The following MAN1C1 variants were observed in gnomAD, a reference collection of about 807,000 sequenced individuals.
The protein encoded by MAN1C1 is mannosidase alpha class 1C member 1, also known as mannosyl-oligosaccharide 1,2-alpha-mannosidase IC.
Under a neutral mutation model 71.5 loss-of-function variants are expected in MAN1C1, and 49 were observed. That is an observed-to-expected ratio of 0.69 (90% CI 0.54 to 0.87). The LOEUF is 0.87. Among genes scored for constraint, MAN1C1 ranks in the 40% least tolerant of loss-of-function variants. MAN1C1 has a pLI of 0.00. For missense variants in MAN1C1, 743 were observed against 835.0 expected, an observed-to-expected ratio of 0.89 and a Z score of 1.36; for synonymous variants, 352 against 343.7, an observed-to-expected ratio of 1.02 and a Z score of -0.27.
intron 2 of MAN1C1, among the ~76,000 whole-genome samples, chr1:25,734,577 G>A (rs995716743): frequency 6.6e-6 from 1 of 152,224 alleles, no homozygotes; most frequent in Non-Finnish European, 1.5e-5. Flanking sequence ...GTCCACCCTG[G>A]GCTAGGATCT....
chr1:25,680,891 C>G (rs1027631033), intron 1 of MAN1C1, among the ~76,000 whole-genome samples: 2 of 152,036 alleles, frequency 1.3e-5, no homozygotes, highest in African/African-American at 4.8e-5. Flanking sequence ...GGACTCAGCC[C>G]ATAGTTCTTG....
At chr1:25,618,418 C>G (rs969283090) in intron 1 of MAN1C1, 81 bp downstream of exon 1, 2 of 1,384,794 alleles carry the variant, frequency 1.4e-6, no homozygotes, top group African/African-American at 1.5e-5. Flanking sequence ...CACCCCTTTC[C>G]CTTGCCTCAG....
At chr1:25,680,835 C>T (rs1433472991) in intron 1 of MAN1C1, among the ~76,000 whole-genome samples, 2 of 152,058 alleles carry the variant, frequency 1.3e-5, no homozygotes, top group African/African-American at 4.8e-5. Flanking sequence ...TCAGGGGTTC[C>T]CAAGACACCA....
chr1:25,618,254 C>A lies in MAN1C1; in HGVS notation c.457C>A (p.Arg153Ser), dbSNP rs920350645. Reference protein sequence around the residue: ...FDFNAFRSRLRHPVLGTRADE... With the variant: ...FDFNAFRSRLSHPVLGTRADE... The stretch of plus-strand genomic sequence containing the variant: ...CTTCAACGCATTCCGGAGCCGTCTC[C>A]GCCACCCGGTCCTGGGAACGAGGGC... The change falls in exon 1 of 12, where the codon CGC (arginine) becomes AGC (serine). Residue 153 changes from arginine to serine, a missense_variant. Physicochemically the swap from Arg to Ser is moderately radical, Grantham distance 110. Coordinates refer to ENST00000374332, the MANE Select transcript of MAN1C1 (RefSeq NM_020379.4). 7 of 1,603,026 alleles carry A rather than the reference C, an allele frequency of 4.4e-6. No individual in the cohort carries two copies. In the African/African-American group the frequency reaches 5.4e-5, roughly 12 times the overall value.
rs545771557 is a variant in MAN1C1, at chr1:25,772,774, T to G, written c.1257+1002T>G. On this transcript the variant is annotated intron_variant, in intron 8 of 11. Transcript: ENST00000374332. Reference sequence around the variant, plus strand: ...CTCTCCTTTACCCATCGGGTCCGCCTTCCCTGGGCCCTGCTGATCACCCTG... The same window carrying G: ...CTCTCCTTTACCCATCGGGTCCGCCGTCCCTGGGCCCTGCTGATCACCCTG... Among the ~76,000 whole-genome samples the G allele has an allele frequency of 2.0e-5, 3 of 152,288 alleles. No homozygotes were observed. In the South Asian group the frequency reaches 6.2e-4, roughly 32 times the overall value.
intron 1 of MAN1C1, among the ~76,000 whole-genome samples, chr1:25,638,615 A>C (rs74062319): frequency 0.09 from 13,595 of 151,826 alleles, 1,344 homozygotes; most frequent in East Asian, 0.22. Flanking sequence ...ATCAGAAAGC[A>C]TCTCTATTTT....
At chr1:25,728,376 C>T (rs1186908924) in intron 2 of MAN1C1, among the ~76,000 whole-genome samples, 1 of 152,164 alleles carries the variant, frequency 6.6e-6, no homozygotes, top group Admixed American at 6.5e-5. Flanking sequence ...CACTTGTCAT[C>T]GTATTAGGCA....
chr1:25,700,247 A>G (rs896574546), intron 2 of MAN1C1, among the ~76,000 whole-genome samples: 2 of 152,218 alleles, frequency 1.3e-5, no homozygotes, highest in Non-Finnish European at 2.9e-5. Context: ...AATCCCTCCA[A>G]TGGCTGCGCA....
intron 1 of MAN1C1, among the ~76,000 whole-genome samples, chr1:25,643,975 G>A (rs991276228): frequency 1.3e-5 from 2 of 152,142 alleles, no homozygotes; most frequent in African/African-American, 4.8e-5. Context: ...CGCAGTGAGA[G>A]GAATATTAAG....
intron 1 of MAN1C1, among the ~76,000 whole-genome samples, chr1:25,673,699 G>A (rs912209199): frequency 2.0e-5 from 3 of 152,134 alleles, no homozygotes; most frequent in African/African-American, 7.2e-5. Context: ...CCAGGAGCAC[G>A]TCACAGAGAT....
chr1:25,617,276 GAC>G lies in MAN1C1; in HGVS notation c.-519_-518del, dbSNP rs1333851397. Among the ~76,000 whole-genome samples, 1 of 151,772 alleles carries G rather than the reference GAC, an allele frequency of 6.6e-6. No homozygotes were observed. Among genetic ancestry groups the G allele is most frequent in the Non-Finnish European group, 1.5e-5 (1 of 67,888 alleles). On this transcript the variant is annotated 5_prime_UTR_variant, in exon 1 of 12. Coordinates refer to ENST00000374332, the MANE Select transcript of MAN1C1 (RefSeq NM_020379.4). The surrounding 1 kb of genome is among the most constrained non-coding windows in gnomAD (Gnocchi z 5.1). ...GTGTGCGCGCGCTCGGGGCGGCGCT[GAC>G]ACGCCAGCCCCCCATCGCCTCGGTC... is the stretch of plus-strand genomic sequence containing the variant.
At chr1:25,780,787 C>G in intron 9 of MAN1C1, 153 bp from the exon 10 acceptor site, 2 of 721,306 alleles carry the variant, frequency 2.8e-6, no homozygotes, top group African/African-American at 1.8e-5. Flanking sequence ...CCCGGTGCAG[C>G]CTTACACAGC....
In MAN1C1 at chr1:25,781,067, G is replaced by C; in HGVS notation, c.1605G>C (p.Gln535His). 1 of 1,614,132 alleles carries C rather than the reference G, an allele frequency of 6.2e-7. No individual in the cohort carries two copies. Among genetic ancestry groups the C allele is most frequent in the Non-Finnish European group, 8.5e-7 (1 of 1,180,024 alleles). ...VVESYMYLWRQTHNPIYREWG... is the reference protein window; with the variant it reads ...VVESYMYLWRHTHNPIYREWG... ...AGAGCTACATGTACCTGTGGCGACAGACCCACAACCCCATCTACAGGGAGT... is the reference window on the plus strand; with the variant it reads ...AGAGCTACATGTACCTGTGGCGACACACCCACAACCCCATCTACAGGGAGT... Residue 535 changes from glutamine (Q) to histidine (H), a missense_variant, in exon 10 of 12, where the codon CAG becomes CAC. Coordinates refer to ENST00000374332, the MANE Select transcript of MAN1C1 (RefSeq NM_020379.4).
intron 3 of MAN1C1, among the ~76,000 whole-genome samples, chr1:25,747,869 G>A (rs909238370): frequency 2.6e-5 from 4 of 152,224 alleles, no homozygotes; most frequent in Admixed American, 6.5e-5. Flanking sequence ...ATTAAATACA[G>A]TGGAGAGTTG....
At chr1:25,644,453 T>C (rs918469078) in intron 1 of MAN1C1, 40 of 145,940 alleles carry the variant, frequency 2.7e-4, no homozygotes, top group African/African-American at 1.0e-3. Context: ...AATGGGTTGT[T>C]GGAAATATGG....
Position 25,705,222 on chromosome 1 carries a change from C to T in MAN1C1, c.637+18686C>T, listed in dbSNP as rs139817416. The stretch of plus-strand genomic sequence containing the variant: ...CCACTACCGTGTATCCCTGCAGATG[C>T]GTTCCCATACAGATGAACAGATATA... On this transcript the variant is annotated intron_variant, in intron 2 of 11. Transcript: ENST00000374332. Among the ~76,000 whole-genome samples the T allele has an allele frequency of 2.5e-4, 38 of 152,248 alleles. No individual in the cohort carries two copies. The East Asian group carries it at 6.2e-3, about 25-fold the overall frequency.
Position 25,783,932 on chromosome 1 carries a change from C to T in MAN1C1, c.*143C>T. The T allele has an allele frequency of 8.8e-7, 1 of 1,130,744 alleles. No individual in the cohort carries two copies. The highest frequency in any genetic ancestry group is 1.2e-6 in the Non-Finnish European group (1 of 814,690). 70.0% of individuals were successfully genotyped at this position (1,130,744 alleles called of 1,614,324 possible). ...ATGTGTCGGACAAGCAACTTCTTTT[C>T]CTCTGTGAGGAGACAAGACTTGGAG... On this transcript the variant is annotated 3_prime_UTR_variant, in exon 12 of 12. Transcript: ENST00000374332.
chr1:25,661,366 A>G (rs1323142742), intron 1 of MAN1C1, among the ~76,000 whole-genome samples: 1 of 152,276 alleles, frequency 6.6e-6, no homozygotes, highest in Admixed American at 6.5e-5. Context: ...TGAACAAGAC[A>G]GACCCAAAAT....
chr1:25,768,652 A>C (rs1448639504), intron 7 of MAN1C1, among the ~76,000 whole-genome samples: 1 of 86,274 alleles, frequency 1.2e-5, no homozygotes, highest in Non-Finnish European at 2.3e-5. Flanking sequence ...ACTCCCCCAC[A>C]CACACAGACC....
Sources: allele counts gnomAD v4.1 joint callset (sites outside exome capture counted in the v4.1 genomes callset), GRCh38; gene constraint gnomAD v4.1.1; non-coding constraint Gnocchi (gnomAD v3.1); transcripts MANE v1.5; gene names NCBI Gene and HGNC (gene_info 2026-07-23, HGNC 2026-07-21).